Variants in ERO1B observed in about 807,000 individuals in gnomAD.
The protein encoded by ERO1B is ERO1-like protein beta.
In ERO1B, 49 loss-of-function variants were observed where a neutral mutation model predicts 75.3. The ratio of observed to expected loss-of-function variants is 0.65; its 90% CI spans 0.52 to 0.83. ERO1B has a LOEUF of 0.83. ERO1B is among the 40% of genes least tolerant of loss of function. The probability of loss-of-function intolerance (pLI) is 0.00; values close to 1 mark genes in which losing one functional copy is unlikely to be tolerated. For synonymous variants in ERO1B, 191 were observed against 192.9 expected (o/e 0.99, Z 0.08); for missense variants, 512 against 560.1 (o/e 0.91, Z 0.87).
At chr1:236,228,629 T>C (rs1488709013) in intron 10 of ERO1B, among the ~76,000 whole-genome samples, 2 of 152,226 alleles carry the variant, frequency 1.3e-5, no homozygotes, top group African/African-American at 2.4e-5. Flanking sequence ...TTTTCAGCAC[T>C]TGAACTTTCA....
chr1:236,235,659 T>C, intron 8 of ERO1B, 130 bp downstream of exon 8: 1 of 772,206 alleles, frequency 1.3e-6, no homozygotes, highest in South Asian at 1.9e-5. Flanking sequence ...TATGAACTAA[T>C]CTTACACTTT....
intron 2 of ERO1B, among the ~76,000 whole-genome samples, chr1:236,265,909 T>C (rs1665423682): frequency 6.6e-6 from 1 of 152,220 alleles, no homozygotes; most frequent in South Asian, 2.1e-4. Flanking sequence ...GGTAGGACTT[T>C]GCTCAAATGT....
At chr1:236,271,500 T>A (rs930645515) in intron 1 of ERO1B, among the ~76,000 whole-genome samples, 2 of 152,148 alleles carry the variant, frequency 1.3e-5, no homozygotes, top group African/African-American at 4.8e-5. Flanking sequence ...ATTCCATTGC[T>A]CTCACTTACT....
At chr1:236,281,646 G>T in intron 1 of ERO1B, 36 bp downstream of exon 1, 1 of 1,338,884 alleles carries the variant, frequency 7.5e-7, no homozygotes. Context: ...CGGGTGTTCG[G>T]CCGGGGGTTC....
At chr1:236,281,579 G>GACCCGGCCCT in intron 1 of ERO1B, 103 bp downstream of exon 1, 1 of 618,800 alleles carries the variant, frequency 1.6e-6, no homozygotes. Context: ...CCTCTTTTCT[G>GACCCGGCCCT]GCCCGGCCCT....
chr1:236,253,836 T>TG (rs1271604541), intron 2 of ERO1B, among the ~76,000 whole-genome samples: 1 of 152,112 alleles, frequency 6.6e-6, no homozygotes, highest in African/African-American at 2.4e-5. Context: ...GGGTAGGCTA[T>TG]GGGGGGAAAA....
At chr1:236,240,797 TAC>T (rs71803522) in intron 6 of ERO1B, among the ~76,000 whole-genome samples, 8,943 of 152,152 alleles carry the variant, frequency 0.059, 631 homozygotes, top group East Asian at 0.39. Flanking sequence ...AAGAAACCGA[TAC>T]ACTCAATAAT....
intron 1 of ERO1B, among the ~76,000 whole-genome samples, chr1:236,275,219 C>A (rs1032748743): frequency 2.6e-5 from 4 of 152,192 alleles, no homozygotes; most frequent in African/African-American, 4.8e-5. Context: ...CAGTGCAGAC[C>A]TACAAATTAA....
rs570970809 is a variant in ERO1B, at chr1:236,257,824, G to A, written c.223-4319C>T. ...GTCCAACAGCAGACTAGATCAAGCA[G>A]AAGAAAGGATTAGCAAACTTGAAGA... On this transcript the variant is annotated intron_variant, in intron 2 of 15. Transcript: ENST00000354619. 2.0e-5 allele frequency among the ~76,000 whole-genome samples: 3 copies of A among 151,026 alleles called. No homozygotes were observed. In the East Asian group the frequency reaches 5.9e-4, roughly 30 times the overall value.
chr1:236,263,381 T>A (rs1665337054), intron 2 of ERO1B, among the ~76,000 whole-genome samples: 1 of 151,964 alleles, frequency 6.6e-6, no homozygotes, highest in African/African-American at 2.4e-5. Flanking sequence ...CCCAAGTAGC[T>A]GGGATTACAA....
chr1:236,241,641 G>A (rs1209404044), intron 6 of ERO1B, among the ~76,000 whole-genome samples: 1 of 152,024 alleles, frequency 6.6e-6, no homozygotes, highest in African/African-American at 2.4e-5. Flanking sequence ...CAATTAGTAG[G>A]TACCATGGTT....
At chr1:236,238,223 A>G (rs1664591170) in intron 6 of ERO1B, among the ~76,000 whole-genome samples, 1 of 152,238 alleles carries the variant, frequency 6.6e-6, no homozygotes, top group South Asian at 2.1e-4. Context: ...TCTAGCTCTA[A>G]ATTTGTAAAG....
At chr1:236,262,730 A>C (rs1380581947) in intron 2 of ERO1B, among the ~76,000 whole-genome samples, 1 of 152,096 alleles carries the variant, frequency 6.6e-6, no homozygotes, top group African/African-American at 2.4e-5. Context: ...GCTAAATTTA[A>C]AGCTAATTTT....
intron 2 of ERO1B, among the ~76,000 whole-genome samples, chr1:236,258,282 C>A (rs1665212212): frequency 6.6e-6 from 1 of 151,672 alleles, no homozygotes; most frequent in Non-Finnish European, 1.5e-5. Context: ...ATATTGAAAG[C>A]TGCAAGGGAA....
chr1:236,268,686 A>G (rs991187236), intron 2 of ERO1B, among the ~76,000 whole-genome samples: 14 of 151,782 alleles, frequency 9.2e-5, no homozygotes, highest in Non-Finnish European at 1.5e-4. Context: ...GGAGATCAAG[A>G]CCATCCTGGC....
chr1:236,225,157 T>C lies in ERO1B; in HGVS notation c.1053-18A>G, dbSNP rs377399338. On this transcript the variant is annotated intron_variant, in intron 12 of 15. Coordinates refer to ENST00000354619, the MANE Select transcript of ERO1B (RefSeq NM_019891.4). ...GAAAGGACCTGATAAAATGATAGTATTGGATTAAGTTACACATGAAAAATC... is the reference window on the plus strand; with the variant it reads ...GAAAGGACCTGATAAAATGATAGTACTGGATTAAGTTACACATGAAAAATC... The C allele has an allele frequency of 1.2e-6, 2 of 1,612,478 alleles. No individual in the cohort carries two copies. Among genetic ancestry groups the C allele is most frequent in the South Asian group, 1.1e-5 (1 of 91,050 alleles).
chr1:236,255,355 T>C (rs1464464277), intron 2 of ERO1B, among the ~76,000 whole-genome samples: 2 of 152,122 alleles, frequency 1.3e-5, no homozygotes, highest in East Asian at 1.9e-4. Context: ...AGAGAGACCA[T>C]TCCTGGCCAG....
At chr1:236,232,881 A>C in intron 8 of ERO1B, 42 bp from the exon 9 acceptor site, 1 of 1,531,258 alleles carries the variant, frequency 6.5e-7, no homozygotes, top group Non-Finnish European at 8.9e-7. Flanking sequence ...AAAATGTCTT[A>C]CATAGCTCAG....
intron 5 of ERO1B, among the ~76,000 whole-genome samples, chr1:236,244,488 TA>T (rs1340253704): frequency 6.6e-6 from 1 of 152,184 alleles, no homozygotes; most frequent in Non-Finnish European, 1.5e-5. Context: ...CGTGATGCCA[TA>T]AACAATAATG....
Sources: gnomAD v4.1 joint callset for allele counts (sites outside exome capture counted in the v4.1 genomes callset) on GRCh38, gnomAD v4.1.1 for gene constraint, MANE v1.5 for transcripts, NCBI Gene and HGNC (gene_info 2026-07-23, HGNC 2026-07-21) for gene names.